Variants in HOMER2 observed in about 807,000 individuals in gnomAD.
HOMER2 encodes homer scaffold protein 2.
A neutral mutation model predicts 47.0 loss-of-function variants in HOMER2; 27 were observed. That is an observed-to-expected ratio of 0.57 (90% CI 0.42 to 0.79). The LOEUF is 0.79. Ranked by LOEUF, HOMER2 falls within the 30% of genes least tolerant of loss-of-function variation. The probability of loss-of-function intolerance (pLI) is 0.00; values close to 1 mark genes in which losing one functional copy is unlikely to be tolerated. For missense variants in HOMER2, 443 were observed against 435.0 expected (o/e 1.02, Z -0.16); for synonymous variants, 161 against 163.8 (o/e 0.98, Z 0.13).
At chr15:82,908,199 C>A (rs941968647) in intron 1 of HOMER2, among the ~76,000 whole-genome samples, 13 of 151,976 alleles carry the variant, frequency 8.6e-5, no homozygotes, top group African/African-American at 3.1e-4. Context: ...GTTCCAAAGT[C>A]TCTGATTACA....
chr15:82,902,033 T>C (rs1322527215), intron 1 of HOMER2, among the ~76,000 whole-genome samples: 1 of 152,184 alleles, frequency 6.6e-6, no homozygotes, highest in Non-Finnish European at 1.5e-5. Flanking sequence ...TCTCAGGATT[T>C]CAACATATAT....
chr15:82,946,696 T>TA (rs760348764), intron 1 of HOMER2, among the ~76,000 whole-genome samples: 140 of 152,244 alleles, frequency 9.2e-4, no homozygotes, highest in Non-Finnish European at 1.6e-3. Context: ...TGTATTTTAT[T>TA]AAAAAAACAA....
intron 1 of HOMER2, among the ~76,000 whole-genome samples, chr15:82,915,977 A>G (rs1007642584): frequency 1.1e-4 from 16 of 152,316 alleles, no homozygotes; most frequent in Non-Finnish European, 1.5e-5. Flanking sequence ...TCTTTTCTTT[A>G]TGTATTCTGA....
intron 1 of HOMER2, chr15:82,985,490 T>A (rs1187303483): frequency 6.6e-6 from 1 of 151,930 alleles, no homozygotes; most frequent in East Asian, 1.9e-4. Flanking sequence ...AGGGGTACAA[T>A]CGACAGGACT....
Position 82,945,468 on chromosome 15 carries a change from A to G in HOMER2, c.5+7063T>C, listed in dbSNP as rs559050616. ...ATAGACTTGCTCTATGTAGACATAC[A>G]TCTAGACACACACAGACATATATAC... On this transcript the variant is annotated intron_variant, in intron 1 of 8. Coordinates refer to ENST00000450735, the MANE Select transcript of HOMER2 (RefSeq NM_004839.4). Among the ~76,000 whole-genome samples, 5 of 152,318 alleles carry G rather than the reference A, an allele frequency of 3.3e-5. No individual in the cohort carries two copies. The South Asian group carries it at 8.3e-4, about 25-fold the overall frequency.
Position 82,913,312 on chromosome 15 carries a change from A to AT in HOMER2, c.6-20472dup, listed in dbSNP as rs59538590. On this transcript the variant is annotated intron_variant, in intron 1 of 8. Transcript: ENST00000450735. This position sits in a 1 kb window ranked among gnomAD's most constrained non-coding sequence, Gnocchi z 4.1. ...CTTACTTTGCCTCCAGGTTAGTCTG[A>AT]TTTTTTTTTTTTAACAGCAAACATT... Among the ~76,000 whole-genome samples the AT allele has an allele frequency of 2.7e-3, 394 of 146,926 alleles. 1 individual carries two copies. Among genetic ancestry groups the AT allele is most frequent in the African/African-American group, 5.1e-3 (204 of 40,210 alleles).
intron 1 of HOMER2, among the ~76,000 whole-genome samples, chr15:82,928,925 C>T (rs1299968972): frequency 8.5e-5 from 2 of 23,626 alleles, no homozygotes; most frequent in Non-Finnish European, 1.4e-4. Flanking sequence ...TAACAACTGG[C>T]AAAAAAATAA....
At chr15:82,845,485 T>C (rs1251998639), downstream of HOMER2, 1 of 152,208 alleles carries the variant, frequency 6.6e-6, no homozygotes, top group African/African-American at 2.4e-5. Flanking sequence ...ACTGTTTCTT[T>C]GGGGAAGCCA....
chr15:82,863,837 A>G (rs1165352773), intron 4 of HOMER2, among the ~76,000 whole-genome samples: 2 of 152,160 alleles, frequency 1.3e-5, no homozygotes, highest in Non-Finnish European at 2.9e-5. Flanking sequence ...GGCACAAGGT[A>G]CCCTACACAG....
At chr15:82,984,710 G>A (rs747703715) in intron 1 of HOMER2, among the ~76,000 whole-genome samples, 5 of 152,088 alleles carry the variant, frequency 3.3e-5, no homozygotes, top group African/African-American at 4.8e-5. Flanking sequence ...CCAGCTCTCC[G>A]GAGGCTGAGC....
intron 1 of HOMER2, among the ~76,000 whole-genome samples, chr15:82,963,148 A>G (rs2054646036): frequency 6.6e-6 from 1 of 152,122 alleles, no homozygotes; most frequent in Admixed American, 6.5e-5. Context: ...GTAGTGGTGC[A>G]ATCATAGCTC....
chr15:82,868,541 A>ATATTTT lies in HOMER2; in HGVS notation c.295-4283_295-4282insAAAATA. 2.6e-3 allele frequency among the ~76,000 whole-genome samples: 184 copies of ATATTTT among 71,272 alleles called. 3 individuals are homozygous for ATATTTT. Among genetic ancestry groups the ATATTTT allele is most frequent in the Non-Finnish European group, 4.1e-3 (146 of 35,404 alleles). The allele number at this position is 71,272 out of a possible 152,430, so 46.8% of individuals were successfully genotyped here. A position where few individuals can be genotyped will look rare whatever the true frequency, so the allele number is the denominator to read the frequency against. On this transcript the variant is annotated intron_variant, in intron 3 of 8. Transcript: ENST00000450735. ...ATTTATTTTATATATATATATATAT[A>ATATTTT]TTTTTTTTTTTTTTTTTCCCCTTTT...
At chr15:82,894,218 A>G (rs1454273117) in intron 1 of HOMER2, among the ~76,000 whole-genome samples, 1 of 152,240 alleles carries the variant, frequency 6.6e-6, no homozygotes, top group East Asian at 1.9e-4. Context: ...GACAATACGC[A>G]TTTAGAAACA....
intron 1 of HOMER2, among the ~76,000 whole-genome samples, chr15:82,959,873 A>G (rs1037678375): frequency 1.3e-5 from 2 of 152,202 alleles, no homozygotes; most frequent in Non-Finnish European, 2.9e-5. Context: ...AAGAACGAAG[A>G]AATCCAAAGA....
Position 82,849,391 on chromosome 15 carries a change from T to C in HOMER2, c.*324A>G, listed in dbSNP as rs2051313915. ...GAATATCAATATTTGGATTACAAAA[T>C]GCGTGTTTTTTCAGTTCATATGGTT... On this transcript the variant is annotated 3_prime_UTR_variant, in exon 9 of 9. Coordinates refer to ENST00000450735, the MANE Select transcript of HOMER2 (RefSeq NM_004839.4). The C allele has an allele frequency of 3.7e-6, 1 of 273,898 alleles. No individual in the cohort carries two copies. Among genetic ancestry groups the C allele is most frequent in the African/African-American group, 2.2e-5 (1 of 45,898 alleles). The allele number at this position is 273,898 out of a possible 1,614,324, so 17.0% of individuals were successfully genotyped here. A position where few individuals can be genotyped will look rare whatever the true frequency, so the allele number is the denominator to read the frequency against.
chr15:82,944,740 G>GC (rs1555431108), intron 1 of HOMER2, among the ~76,000 whole-genome samples: 2 of 146,160 alleles, frequency 1.4e-5, no homozygotes, highest in African/African-American at 2.5e-5. Flanking sequence ...TTTGCCCACG[G>GC]TTTTTTTTTT....
downstream of HOMER2, among the ~76,000 whole-genome samples, chr15:82,848,735 G>A (rs564040020): frequency 6.6e-6 from 1 of 152,228 alleles, no homozygotes; most frequent in Non-Finnish European, 1.5e-5. Flanking sequence ...TAGGGGAGAA[G>A]GTGATTCGAG....
At chr15:82,872,637 C>T (rs2052214927) in intron 3 of HOMER2, among the ~76,000 whole-genome samples, 1 of 152,206 alleles carries the variant, frequency 6.6e-6, no homozygotes, top group Non-Finnish European at 1.5e-5. Flanking sequence ...ATCCTGGACA[C>T]TCCATCAACA....
intron 1 of HOMER2, among the ~76,000 whole-genome samples, chr15:82,929,025 G>A (rs2053935768): frequency 6.9e-6 from 1 of 144,174 alleles, no homozygotes; most frequent in South Asian, 2.1e-4. Context: ...ATCATTGCTG[G>A]GTATGGAAAA....
Sources: allele counts gnomAD v4.1 joint callset (sites outside exome capture counted in the v4.1 genomes callset), GRCh38; gene constraint gnomAD v4.1.1; non-coding constraint Gnocchi (gnomAD v3.1); transcripts MANE v1.5; gene names NCBI Gene and HGNC (gene_info 2026-07-23, HGNC 2026-07-21).